Variants in ART3 observed in about 807,000 individuals in gnomAD.
ART3 encodes ecto-ADP-ribosyltransferase 3.
A neutral mutation model predicts 48.5 loss-of-function variants in ART3; 49 were observed. The observed-to-expected ratio is 1.01, with a 90% CI of 0.80 to 1.28. The LOEUF (loss-of-function observed/expected upper bound fraction) is 1.28, where lower values mean the gene tolerates loss of function less well. Among genes scored for constraint, ART3 ranks in the 50% most tolerant of loss-of-function variants. The probability of loss-of-function intolerance (pLI) is 0.00; values close to 1 mark genes in which losing one functional copy is unlikely to be tolerated. For missense variants in ART3, 438 were observed against 454.3 expected, an observed-to-expected ratio of 0.96 and a Z score of 0.33; for synonymous variants, 145 against 157.2, an observed-to-expected ratio of 0.92 and a Z score of 0.58.
At chr4:76,077,962 A>G (rs1721502231) in intron 2 of ART3, among the ~76,000 whole-genome samples, 1 of 152,154 alleles carries the variant, frequency 6.6e-6, no homozygotes, top group Non-Finnish European at 1.5e-5. Context: ...AACATAATTT[A>G]AGTGTATTTG....
chr4:76,097,875 TC>T (rs1443012678), intron 4 of ART3, among the ~76,000 whole-genome samples, 199 bp downstream of exon 4: 1 of 152,166 alleles, frequency 6.6e-6, no homozygotes, highest in African/African-American at 2.4e-5. Context: ...ACTGCCACCC[TC>T]ATCCCCACCC....
At chr4:76,095,626 C>A (rs1560642898) in intron 3 of ART3, among the ~76,000 whole-genome samples, 2 of 152,188 alleles carry the variant, frequency 1.3e-5, no homozygotes, top group African/African-American at 2.4e-5. Context: ...CACAAGGCAT[C>A]CCCCTCTAGA....
intron 1 of ART3, among the ~76,000 whole-genome samples, chr4:76,048,721 G>A (rs111299858): frequency 5.9e-5 from 9 of 152,058 alleles, no homozygotes; most frequent in South Asian, 2.1e-4. Context: ...GAGGAAGGTC[G>A]GATTTAGTGG....
intron 1 of ART3, among the ~76,000 whole-genome samples, chr4:76,061,309 G>C (rs1719193065): frequency 6.6e-6 from 1 of 152,164 alleles, no homozygotes. Context: ...CTGGGGGTCA[G>C]TTTAAACTCC....
chr4:76,107,949 G>A (rs572699376), intron 11 of ART3, among the ~76,000 whole-genome samples, 156 bp downstream of exon 11: 2 of 152,180 alleles, frequency 1.3e-5, no homozygotes, highest in East Asian at 3.9e-4. Context: ...GCTTGTGTGT[G>A]CATGTGTGTG....
At chr4:76,075,592 G>T (rs1283297674) in intron 1 of ART3, among the ~76,000 whole-genome samples, 1 of 152,148 alleles carries the variant, frequency 6.6e-6, no homozygotes, top group Non-Finnish European at 1.5e-5. Flanking sequence ...GACTGTGGTG[G>T]GAGAGATGAC....
chr4:76,030,978 G>A (rs1443560538), intron 1 of ART3, among the ~76,000 whole-genome samples: 1 of 151,848 alleles, frequency 6.6e-6, no homozygotes, highest in Admixed American at 6.6e-5. Flanking sequence ...AGTTCTTTTG[G>A]GTATATACCT....
chr4:76,013,508 T>G (rs1291509074), intron 1 of ART3, among the ~76,000 whole-genome samples: 2 of 152,236 alleles, frequency 1.3e-5, no homozygotes, highest in African/African-American at 2.4e-5. Flanking sequence ...ACTTGAACAT[T>G]TCCTTGTGTC....
chr4:76,013,078 G>A (rs976578555), intron 1 of ART3, among the ~76,000 whole-genome samples: 7 of 152,156 alleles, frequency 4.6e-5, no homozygotes, highest in African/African-American at 1.7e-4. Flanking sequence ...ACTTATTATA[G>A]AAGAAGTGGT....
Position 76,075,968 on chromosome 4 carries a change from G to A in ART3, c.69+10G>A. The A allele has an allele frequency of 6.2e-7, 1 of 1,603,788 alleles. No homozygotes were observed. The highest frequency in any genetic ancestry group is 1.1e-5 in the South Asian group (1 of 90,304). ...AGTGGACATTTTCCAGGTAATGTTG[G>A]GAATGGGAAGCATGTGGTCATTGGA... On this transcript the variant is annotated intron_variant, in intron 2 of 11. Coordinates refer to ENST00000355810, the MANE Select transcript of ART3 (RefSeq NM_001130016.3).
At chr4:76,087,722 C>A (rs1230321438) in intron 3 of ART3, among the ~76,000 whole-genome samples, 1 of 152,166 alleles carries the variant, frequency 6.6e-6, no homozygotes, top group African/African-American at 2.4e-5. Flanking sequence ...AGAATATCAA[C>A]ATCTCTTTAG....
Position 76,049,156 on chromosome 4 carries a change from G to A in ART3, c.-9-26725G>A, listed in dbSNP as rs551703006. On this transcript the variant is annotated intron_variant, in intron 1 of 9. Coordinates refer to the ART3 transcript ENST00000341029. ...TCATGTCTTTCTGATTGGTGAGCCT[G>A]GGTGCCTAAAGAAGGTAACAGAGTC... 3.9e-5 allele frequency among the ~76,000 whole-genome samples: 6 copies of A among 151,928 alleles called. 1 individual carries two copies. In the South Asian group the frequency reaches 6.2e-4, roughly 16 times the overall value.
intron 10 of ART3, chr4:76,106,433 T>C: frequency 2.2e-6 from 2 of 915,424 alleles, no homozygotes; most frequent in Non-Finnish European, 2.6e-6. Context: ...GAGAGGCGCC[T>C]TCTGGCCGAG....
Position 76,100,977 on chromosome 4 carries a change from T to C in ART3, c.908-13T>C, listed in dbSNP as rs1295742080. On this transcript the variant is annotated splice_polypyrimidine_tract_variant and intron_variant, in intron 7 of 11. Coordinates refer to ENST00000355810, the MANE Select transcript of ART3 (RefSeq NM_001130016.3). ...CCATTGTTAAAACTGATAAGCTTCT[T>C]TTTGTAACTCAGGTGAGAAAAACCA... 1.9e-6 allele frequency: 3 copies of C among 1,613,230 alleles called. No individual in the cohort carries two copies. The highest frequency in any genetic ancestry group is 1.7e-6 in the Non-Finnish European group (2 of 1,179,838).
rs748474697 is a variant in ART3 at position 76,100,265 on chromosome 4, T to C, written c.848-26T>C. ...AGTTCTTTTGTTCCATTGTTAAAAC[T>C]GATGAACTTCTTTTCTGTGACTCAG... On this transcript the variant is annotated intron_variant, in intron 5 of 11. Transcript: ENST00000355810. 15 of 1,609,384 alleles carry C rather than the reference T, an allele frequency of 9.3e-6. No homozygotes were observed. The South Asian group carries it at 1.5e-4, about 17-fold the overall frequency.
chr4:76,043,253 C>A (rs1482750495), intron 1 of ART3, among the ~76,000 whole-genome samples: 3 of 152,078 alleles, frequency 2.0e-5, no homozygotes, highest in Non-Finnish European at 4.4e-5. Flanking sequence ...CGCACCAGGG[C>A]TGCAGGTGGA....
intron 8 of ART3, among the ~76,000 whole-genome samples, chr4:76,103,343 C>A (rs1446527547): frequency 6.6e-6 from 1 of 151,828 alleles, no homozygotes; most frequent in Non-Finnish European, 1.5e-5. Flanking sequence ...GCCTGAGCGA[C>A]TCAGCGAGAC....
upstream of ART3, among the ~76,000 whole-genome samples, chr4:76,071,176 C>A (rs1252235760): frequency 6.6e-6 from 1 of 151,872 alleles, no homozygotes; most frequent in African/African-American, 2.4e-5. Context: ...ATGGTGAAAC[C>A]CCGTCTCTAG....
rs144864971 is a variant in ART3, at chr4:76,110,238, T to A, written c.1037-2148T>A. Among the ~76,000 whole-genome samples the A allele has an allele frequency of 3.6e-3, 552 of 152,312 alleles. 6 individuals carry two copies. The highest frequency in any genetic ancestry group is 0.013 in the African/African-American group (531 of 41,578). On this transcript the variant is annotated intron_variant, in intron 11 of 11. Coordinates refer to ENST00000355810, the MANE Select transcript of ART3 (RefSeq NM_001130016.3). Reference sequence around the variant, plus strand: ...TTTGTGGGAAAAAATAATACAAATTTAAAAACCCATACAGTACAACAACTA... The same window carrying A: ...TTTGTGGGAAAAAATAATACAAATTAAAAAACCCATACAGTACAACAACTA...
Sources: gnomAD v4.1 joint callset for allele counts (sites outside exome capture counted in the v4.1 genomes callset) on GRCh38, gnomAD v4.1.1 for gene constraint, MANE v1.5 for transcripts, NCBI Gene and HGNC (gene_info 2026-07-23, HGNC 2026-07-21) for gene names.